Variants in ERAP1 observed in about 807,000 individuals in gnomAD.
The protein encoded by ERAP1 is adipocyte-derived leucine aminopeptidase.
Under a neutral mutation model 103.7 loss-of-function variants are expected in ERAP1, and 86 were observed. That is an observed-to-expected ratio of 0.83 (90% CI 0.70 to 0.99). ERAP1 has a LOEUF of 0.99. Ranked by LOEUF, ERAP1 falls within the 50% of genes least tolerant of loss-of-function variation. The probability of loss-of-function intolerance (pLI) is 0.00; values close to 1 mark genes in which losing one functional copy is unlikely to be tolerated. For missense variants in ERAP1, 1,009 were observed against 1,128.4 expected, an observed-to-expected ratio of 0.89 and a Z score of 1.52; for synonymous variants, 398 against 402.4, an observed-to-expected ratio of 0.99 and a Z score of 0.13.
the ERAP1 span, among the ~76,000 whole-genome samples, chr5:96,835,077 G>A: frequency 6.6e-6 from 1 of 152,216 alleles, no homozygotes; most frequent in Non-Finnish European, 1.5e-5. Flanking sequence ...GGGGCTGTTA[G>A]GCGTGTACTA....
At chr5:96,917,905 C>CAAAAAAAAAAAA in the ERAP1 span, 44 of 49,496 alleles carry the variant, frequency 8.9e-4, no homozygotes, top group Non-Finnish European at 1.3e-3. Flanking sequence ...GACTCTGTCT[C>CAAAAAAAAAAAA]AAAAAAAAAA....
Position 96,775,540 on chromosome 5 carries a change from TCA to T in ERAP1, c.*854_*855del. On this transcript the variant is annotated 3_prime_UTR_variant, in exon 19 of 19. Transcript: ENST00000443439. ...AGTCAGGGAAATAGATGACACTCACTCAGAATTATCTGAGGAGGGTTCTATAA... is the reference window on the plus strand; with the variant it reads ...AGTCAGGGAAATAGATGACACTCACTGAATTATCTGAGGAGGGTTCTATAA... The T allele has an allele frequency of 1.6e-6, 1 of 613,750 alleles. No individual in the cohort carries two copies. Among genetic ancestry groups the T allele is most frequent in the Non-Finnish European group, 2.0e-6 (1 of 500,792 alleles). 38.0% of individuals were successfully genotyped at this position (613,750 alleles called of 1,614,324 possible).
chr5:96,911,289 A>T, the ERAP1 span, among the ~76,000 whole-genome samples: 1 of 152,158 alleles, frequency 6.6e-6, no homozygotes, highest in Non-Finnish European at 1.5e-5. Context: ...ACAAATGCAA[A>T]TTTCTGGCTC....
At chr5:96,840,249 T>C in the ERAP1 span, among the ~76,000 whole-genome samples, 2 of 152,244 alleles carry the variant, frequency 1.3e-5, no homozygotes, top group African/African-American at 4.8e-5. Context: ...GTGTGACTTA[T>C]TAACCCCAAC....
chr5:96,865,901 A>C, the ERAP1 span, among the ~76,000 whole-genome samples: 1 of 152,212 alleles, frequency 6.6e-6, no homozygotes, highest in Non-Finnish European at 1.5e-5. Flanking sequence ...GGCCTTGTCA[A>C]GAACTTTTCT....
At chr5:96,810,709 A>G (rs989839117), upstream of ERAP1, among the ~76,000 whole-genome samples, 6 of 152,250 alleles carry the variant, frequency 3.9e-5, no homozygotes, top group Non-Finnish European at 7.3e-5. Context: ...GCCTAGGCCA[A>G]TGAAATACAT....
chr5:96,901,492 A>G, the ERAP1 span: 10 of 1,612,026 alleles, frequency 6.2e-6, no homozygotes, highest in Non-Finnish European at 8.5e-6. Flanking sequence ...TATCATAGTC[A>G]CCTGTCATTT....
At chr5:96,828,398 A>T in the ERAP1 span, among the ~76,000 whole-genome samples, 1 of 152,220 alleles carries the variant, frequency 6.6e-6, no homozygotes, top group South Asian at 2.1e-4. Context: ...TTTGCCAGTC[A>T]CTTTGGTATC....
At chr5:96,927,514 T>C in the ERAP1 span, among the ~76,000 whole-genome samples, 2 of 152,090 alleles carry the variant, frequency 1.3e-5, no homozygotes, top group South Asian at 4.2e-4. Context: ...TGAGACGGAG[T>C]CTCGCTCAGT....
chr5:96,778,429 A>G (rs1475589402), intron 18 of ERAP1, among the ~76,000 whole-genome samples: 2 of 152,354 alleles, frequency 1.3e-5, no homozygotes, highest in East Asian at 3.9e-4. Flanking sequence ...GGAATGGGCA[A>G]GCCAGGCAGA....
At chr5:96,797,671 G>A (rs553705134) in intron 3 of ERAP1, among the ~76,000 whole-genome samples, 8 of 152,138 alleles carry the variant, frequency 5.3e-5, no homozygotes, top group Non-Finnish European at 8.8e-5. Flanking sequence ...GTCTAATGAC[G>A]CTTCTATAGT....
chr5:96,909,918 G>A, the ERAP1 span: 1 of 668,818 alleles, frequency 1.5e-6, no homozygotes, highest in South Asian at 2.0e-5. Flanking sequence ...CACATTGTAA[G>A]TGCTATGTAT....
downstream of ERAP1, chr5:96,771,622 A>G (rs770060009): frequency 6.2e-6 from 10 of 1,605,472 alleles, no homozygotes; most frequent in African/African-American, 1.3e-4. Context: ...AAGCTCACGG[A>G]TGGTTTTGCT....
At chr5:96,906,174 C>CGA in the ERAP1 span, among the ~76,000 whole-genome samples, 1 of 121,578 alleles carries the variant, frequency 8.2e-6, no homozygotes, top group Non-Finnish European at 1.7e-5. Context: ...AACCACGACA[C>CGA]GACACTGTCT....
At chr5:96,884,888 T>C in the ERAP1 span, among the ~76,000 whole-genome samples, 2 of 152,322 alleles carry the variant, frequency 1.3e-5, no homozygotes, top group South Asian at 2.1e-4. Context: ...CTGGTGACAA[T>C]TGCCATGCAA....
the ERAP1 span, among the ~76,000 whole-genome samples, chr5:96,881,827 A>T: frequency 6.6e-6 from 1 of 152,334 alleles, no homozygotes; most frequent in Non-Finnish European, 1.5e-5. Context: ...AACACTCTTT[A>T]CAAAGATTTC....
the ERAP1 span, among the ~76,000 whole-genome samples, chr5:96,831,248 A>G: frequency 6.6e-6 from 1 of 152,148 alleles, no homozygotes; most frequent in East Asian, 1.9e-4. Flanking sequence ...ACCAGATCTC[A>G]CAATTCACTC....
At chr5:96,869,812 G>A in the ERAP1 span, among the ~76,000 whole-genome samples, 1 of 152,164 alleles carries the variant, frequency 6.6e-6, no homozygotes, top group Admixed American at 6.6e-5. Flanking sequence ...CAGGCAAAAG[G>A]CCCAGAAAAA....
the ERAP1 span, among the ~76,000 whole-genome samples, chr5:96,882,895 C>T: frequency 1.3e-5 from 2 of 152,134 alleles, no homozygotes; most frequent in Non-Finnish European, 2.9e-5. Flanking sequence ...ATTCTATTCC[C>T]CCCTCCTTTT....
Sources: allele counts gnomAD v4.1 joint callset (sites outside exome capture counted in the v4.1 genomes callset), GRCh38; gene constraint gnomAD v4.1.1; transcripts MANE v1.5; gene names NCBI Gene and HGNC (gene_info 2026-07-23, HGNC 2026-07-21).